Variants in LARGE1 observed in about 807,000 individuals in gnomAD.
The protein encoded by LARGE1 is LARGE xylosyl- and glucuronyltransferase 1, also known as xylosyl- and glucuronyltransferase LARGE1.
LARGE1 carries 43 observed loss-of-function variants against 87.6 expected under a neutral mutation model. The observed-to-expected ratio is 0.49, with a 90% CI of 0.38 to 0.63. The LOEUF (loss-of-function observed/expected upper bound fraction) is 0.63, where lower values mean the gene tolerates loss of function less well. Among genes scored for constraint, LARGE1 ranks in the 30% least tolerant of loss-of-function variants. The pLI is 0.00. For synonymous variants in LARGE1, 434 were observed against 394.6 expected (o/e 1.10, Z -1.18); for missense variants, 802 against 1,000.2 (o/e 0.80, Z 2.67).
chr22:33,295,844 G>T (rs1933176418), intron 12 of LARGE1, among the ~76,000 whole-genome samples: 1 of 152,184 alleles, frequency 6.6e-6, no homozygotes, highest in Non-Finnish European at 1.5e-5. Context: ...GAGCCAGATG[G>T]GCTCACAGGC....
intron 11 of LARGE1, among the ~76,000 whole-genome samples, chr22:33,228,315 A>G (rs1300539188): frequency 2.0e-5 from 3 of 152,270 alleles, no homozygotes; most frequent in Non-Finnish European, 4.4e-5. Flanking sequence ...TTAAATCATT[A>G]TAATGAAAAC....
intron 1 of LARGE1, among the ~76,000 whole-genome samples, chr22:33,805,534 G>A (rs775418753): frequency 1.3e-5 from 2 of 151,990 alleles, no homozygotes; most frequent in Non-Finnish European, 2.9e-5. Context: ...AGGAGTTTGA[G>A]ACCAGCCTGG....
chr22:33,228,849 GA>G (rs1363846360), intron 11 of LARGE1, among the ~76,000 whole-genome samples: 1 of 152,024 alleles, frequency 6.6e-6, no homozygotes, highest in Admixed American at 6.6e-5. Context: ...TGAGAGGGTG[GA>G]GAGATAGACA....
At chr22:33,637,945 G>A (rs930521188) in intron 3 of LARGE1, among the ~76,000 whole-genome samples, 1 of 152,120 alleles carries the variant, frequency 6.6e-6, no homozygotes, top group African/African-American at 2.4e-5. Context: ...GGTACCTAAG[G>A]TGCCCTGAAA....
At position 33,527,201 on chromosome 22, in the gene LARGE1, A is replaced by G. The variant is rs184195924; in HGVS notation, c.787+37647T>C. Among the ~76,000 whole-genome samples the G allele has an allele frequency of 4.1e-3, 618 of 152,330 alleles. 1 individual carries two copies. Among genetic ancestry groups the G allele is most frequent in the Non-Finnish European group, 6.2e-3 (421 of 68,036 alleles). On this transcript the variant is annotated intron_variant, in intron 6 of 14. Coordinates refer to ENST00000397394, the MANE Select transcript of LARGE1 (RefSeq NM_133642.5). ...AACATGGGAGGCAGAGGTTGCAGTGAGCCGAGATCGCACCATTGCACTCCG... is the reference window on the plus strand; with the variant it reads ...AACATGGGAGGCAGAGGTTGCAGTGGGCCGAGATCGCACCATTGCACTCCG...
intron 1 of LARGE1, among the ~76,000 whole-genome samples, chr22:33,851,605 T>G (rs2146507946): frequency 6.6e-6 from 1 of 152,372 alleles, no homozygotes; most frequent in South Asian, 2.1e-4. Context: ...ATACCTGTGG[T>G]CAAACAAAGT....
intron 1 of LARGE1, among the ~76,000 whole-genome samples, chr22:33,892,315 C>T (rs1391334808): frequency 6.6e-6 from 1 of 152,072 alleles, no homozygotes; most frequent in Non-Finnish European, 1.5e-5. Flanking sequence ...CTCTGCTCCC[C>T]TCTCCTACTC....
chr22:33,697,859 T>A (rs530575239), intron 2 of LARGE1, among the ~76,000 whole-genome samples: 3 of 152,318 alleles, frequency 2.0e-5, no homozygotes, highest in African/African-American at 7.2e-5. Context: ...CCTGGGTGAG[T>A]TAAACCGCTG....
intron 6 of LARGE1, among the ~76,000 whole-genome samples, chr22:33,547,533 C>T (rs112934060): frequency 0.011 from 1,691 of 152,080 alleles, 17 homozygotes; most frequent in Middle Eastern, 0.027. Context: ...TCATGGCTCA[C>T]GCCTGTAATC....
At chr22:33,146,768 A>G in the LARGE1 span, among the ~76,000 whole-genome samples, 16 of 152,262 alleles carry the variant, frequency 1.1e-4, no homozygotes, top group African/African-American at 3.6e-4. Context: ...TAAATTAAAT[A>G]CATTAAAATG....
At chr22:33,134,826 T>C in the LARGE1 span, among the ~76,000 whole-genome samples, 1 of 152,188 alleles carries the variant, frequency 6.6e-6, no homozygotes, top group African/African-American at 2.4e-5. Context: ...ATCATCAGCC[T>C]GAATCATAGA....
the LARGE1 span, among the ~76,000 whole-genome samples, chr22:33,102,539 G>T: frequency 2.3e-3 from 346 of 150,908 alleles, 4 homozygotes; most frequent in African/African-American, 8.2e-3. Context: ...GCCCAGGCTG[G>T]AGTGCAGTGG....
At chr22:33,531,104 T>G (rs940868704) in intron 6 of LARGE1, among the ~76,000 whole-genome samples, 1 of 152,188 alleles carries the variant, frequency 6.6e-6, no homozygotes, top group African/African-American at 2.4e-5. Flanking sequence ...ATCAAGCCAG[T>G]AGTACTATAC....
chr22:33,824,799 G>T (rs1470406098), intron 1 of LARGE1, among the ~76,000 whole-genome samples: 1 of 152,158 alleles, frequency 6.6e-6, no homozygotes, highest in Non-Finnish European at 1.5e-5. Flanking sequence ...TACAAGAAAA[G>T]TGTCAAGAGA....
chr22:33,487,921 A>C (rs908979813), intron 6 of LARGE1, among the ~76,000 whole-genome samples: 4 of 152,218 alleles, frequency 2.6e-5, no homozygotes, highest in Admixed American at 2.0e-4. Context: ...ATTAAGCATT[A>C]ACTAGAAGCC....
At chr22:33,502,666 C>T (rs1336979095) in intron 6 of LARGE1, among the ~76,000 whole-genome samples, 7 of 151,868 alleles carry the variant, frequency 4.6e-5, no homozygotes, top group Admixed American at 2.6e-4. Context: ...CCTCCAGGGT[C>T]CACGCCATCC....
Position 33,852,876 on chromosome 22 carries a change from AAAAG to A in LARGE1, c.-83+67115_-83+67118del, listed in dbSNP as rs1289235536. Among the ~76,000 whole-genome samples, 407 of 63,202 alleles carry A rather than the reference AAAAG, an allele frequency of 6.4e-3. 13 individuals carry two copies. The highest frequency in any genetic ancestry group is 0.054 in the Middle Eastern group (4 of 74). 41.5% of individuals were successfully genotyped at this position (63,202 alleles called of 152,430 possible). ...GTCTCCAAAAAAAAAAAAAAAAAAA[AAAAG>A]AAAGAAAGAAAGAAAGAAAAGTGAT... is the stretch of plus-strand genomic sequence containing the variant. On this transcript the variant is annotated intron_variant, in intron 1 of 14. Coordinates refer to ENST00000397394, the MANE Select transcript of LARGE1 (RefSeq NM_133642.5).
At chr22:33,835,968 T>C (rs1398855974) in intron 1 of LARGE1, among the ~76,000 whole-genome samples, 2 of 152,228 alleles carry the variant, frequency 1.3e-5, no homozygotes, top group Non-Finnish European at 2.9e-5. Context: ...GAAACAGCTC[T>C]GAACCCATAA....
intron 2 of LARGE1, among the ~76,000 whole-genome samples, chr22:33,695,692 T>C (rs924008168): frequency 6.6e-6 from 1 of 152,234 alleles, no homozygotes; most frequent in African/African-American, 2.4e-5. Flanking sequence ...TTTTAATATG[T>C]ATATCATTAA....
Sources: gnomAD v4.1 joint callset for allele counts (sites outside exome capture counted in the v4.1 genomes callset) on GRCh38, gnomAD v4.1.1 for gene constraint, MANE v1.5 for transcripts, NCBI Gene and HGNC (gene_info 2026-07-23, HGNC 2026-07-21) for gene names.